The following CASQ2 variants were observed in gnomAD, a reference collection of about 807,000 sequenced individuals.
CASQ2 encodes the protein calsequestrin 2.
Under a neutral mutation model 46.5 loss-of-function variants are expected in CASQ2, and 49 were observed. The ratio of observed to expected loss-of-function variants is 1.05; its 90% confidence interval spans 0.84 to 1.34. The LOEUF (loss-of-function observed/expected upper bound fraction) is 1.34, where lower values mean the gene tolerates loss of function less well. CASQ2 is among the 40% of genes most tolerant of loss of function. The probability of loss-of-function intolerance (pLI) is 0.00; values close to 1 mark genes in which losing one functional copy is unlikely to be tolerated. For synonymous variants in CASQ2, 174 were observed against 168.5 expected (o/e 1.03, Z -0.25); for missense variants, 486 against 481.3 (o/e 1.01, Z -0.09).
At chr1:115,719,512 C>A (rs889835636) in intron 7 of CASQ2, among the ~76,000 whole-genome samples, 1 of 152,210 alleles carries the variant, frequency 6.6e-6, no homozygotes, top group South Asian at 2.1e-4. Flanking sequence ...GAAGGCTGCT[C>A]ATAATACGGC....
intron 8 of CASQ2, among the ~76,000 whole-genome samples, chr1:115,709,840 T>C (rs964437806): frequency 6.6e-6 from 1 of 152,146 alleles, no homozygotes; most frequent in Non-Finnish European, 1.5e-5. Flanking sequence ...CACTGGACAT[T>C]GTTCTTTTTT....
chr1:115,718,025 C>T, intron 7 of CASQ2, 131 bp from the exon 8 acceptor site: 1 of 736,648 alleles, frequency 1.4e-6, no homozygotes, highest in Admixed American at 1.9e-5. Flanking sequence ...GGGATGAACA[C>T]AGAAGCACAG....
intron 7 of CASQ2, among the ~76,000 whole-genome samples, chr1:115,721,549 G>C (rs1485538206): frequency 6.6e-6 from 1 of 151,996 alleles, no homozygotes; most frequent in Non-Finnish European, 1.5e-5. Context: ...TAGATGTCTG[G>C]GGAAGTGGAT....
intron 4 of CASQ2, among the ~76,000 whole-genome samples, chr1:115,736,142 A>T (rs1306500660): frequency 6.6e-5 from 10 of 151,040 alleles, no homozygotes; most frequent in Admixed American, 4.0e-4. Flanking sequence ...CAGCCTGGGC[A>T]ACACGAGTGA....
intron 1 of CASQ2, among the ~76,000 whole-genome samples, chr1:115,764,618 C>T (rs1027930652): frequency 2.6e-5 from 4 of 152,184 alleles, no homozygotes; most frequent in Non-Finnish European, 5.9e-5. Flanking sequence ...AGATGACTCC[C>T]ACAGTTCTTT....
In CASQ2 at chr1:115,700,745, G is replaced by T; in HGVS notation, c.*496C>A. 2.5e-6 allele frequency: 1 copy of T among 407,278 alleles called. No individual in the cohort carries two copies. The highest frequency in any genetic ancestry group is 4.3e-6 in the Non-Finnish European group (1 of 230,322). The allele number at this position is 407,278 out of a possible 1,614,324, so 25.2% of individuals were successfully genotyped here. On this transcript the variant is annotated 3_prime_UTR_variant, in exon 11 of 11. Transcript: ENST00000261448. ...TCCAAGGCTGAGCCTTCTCTAAGAA[G>T]GATCATCTTGGCTGGAGGAGGGATC... is the stretch of plus-strand genomic sequence containing the variant.
chr1:115,745,246 G>T (rs1648348530), intron 1 of CASQ2, among the ~76,000 whole-genome samples: 1 of 152,172 alleles, frequency 6.6e-6, no homozygotes, highest in Admixed American at 6.5e-5. Context: ...AAGCATGGGT[G>T]CCTGACAAGG....
chr1:115,731,851 TG>T (rs1358698355), intron 5 of CASQ2, among the ~76,000 whole-genome samples: 1 of 152,234 alleles, frequency 6.6e-6, no homozygotes, highest in African/African-American at 2.4e-5. Flanking sequence ...GCACACACTC[TG>T]GCACAAAGAG....
In CASQ2 at chr1:115,701,366, C is replaced by G; in HGVS notation, c.1075G>C (p.Glu359Gln). 6.2e-7 allele frequency: 1 copy of G among 1,614,004 alleles called. No homozygotes were observed. The highest frequency in any genetic ancestry group is 1.1e-5 in the South Asian group (1 of 91,072). ...DDDLPTAEEL[E>Q]DWIEDVLSGK... ...GAAAGCACATCCTCAATCCAGTCCT[C>G]CAGCTCCTCAGCAGTTGGAAGATCG... Residue 359 changes from glutamate (E) to glutamine (Q), a missense_variant, in exon 11 of 11, where the codon GAG (glutamate) becomes CAG (glutamine). Transcript: ENST00000261448.
chr1:115,701,002 G>A lies in CASQ2; in HGVS notation c.*239C>T. On this transcript the variant is annotated 3_prime_UTR_variant, in exon 11 of 11. Transcript: ENST00000261448. ...AAAGAACAAGATCTGTTCCGTGACA[G>A]TCAAGACAGTCAACATGGGAATAAT... The A allele has an allele frequency of 1.6e-6, 1 of 643,944 alleles. No homozygotes were observed. Among genetic ancestry groups the A allele is most frequent in the Non-Finnish European group, 2.8e-6 (1 of 361,302 alleles). 39.9% of individuals were successfully genotyped at this position (643,944 alleles called of 1,614,324 possible). A position where few individuals can be genotyped will look rare whatever the true frequency, so the allele number is the denominator to read the frequency against.
At chr1:115,766,919 A>ATAGAT (rs1553197776) in intron 1 of CASQ2, among the ~76,000 whole-genome samples, 53 of 149,540 alleles carry the variant, frequency 3.5e-4, no homozygotes, top group African/African-American at 6.9e-4. Flanking sequence ...AGATAGATAG[A>ATAGAT]AGGATGATAG....
chr1:115,713,419 G>A (rs888198148), intron 8 of CASQ2, among the ~76,000 whole-genome samples: 3 of 152,184 alleles, frequency 2.0e-5, no homozygotes, highest in East Asian at 1.9e-4. Flanking sequence ...GAGATCTGGC[G>A]ATTAGGCTCG....
chr1:115,748,981 G>T (rs1004839117), intron 1 of CASQ2, among the ~76,000 whole-genome samples: 1 of 152,112 alleles, frequency 6.6e-6, no homozygotes, highest in African/African-American at 2.4e-5. Context: ...TGGGGCTCAG[G>T]AATCTACGTT....
chr1:115,722,874 C>G lies in CASQ2; in HGVS notation c.783+2634G>C, dbSNP rs935444449. Reference sequence around the variant, plus strand: ...ACCAGCCTGGCCAACATGGTGAAACCCTGTCTCTACTAAAAACACAAAAAC... The same window carrying G: ...ACCAGCCTGGCCAACATGGTGAAACGCTGTCTCTACTAAAAACACAAAAAC... On this transcript the variant is annotated intron_variant, in intron 7 of 10. Transcript: ENST00000261448. Among the ~76,000 whole-genome samples, 11 of 151,912 alleles carry G rather than the reference C, an allele frequency of 7.2e-5. 1 individual carries two copies. The highest frequency in any genetic ancestry group is 6.6e-4 in the Admixed American group (10 of 15,252).
chr1:115,744,057 T>C (rs1197614667), intron 2 of CASQ2, among the ~76,000 whole-genome samples: 1 of 150,066 alleles, frequency 6.7e-6, no homozygotes, highest in East Asian at 1.9e-4. Flanking sequence ...GGCACAAGAA[T>C]CGCTTGAATC....
intron 5 of CASQ2, 108 bp from the exon 6 acceptor site, chr1:115,727,230 C>G: frequency 3.5e-6 from 3 of 852,104 alleles, no homozygotes; most frequent in East Asian, 2.6e-5. Flanking sequence ...GACATAAAAA[C>G]AGATGTACAG....
At chr1:115,740,977 T>C in intron 2 of CASQ2, 149 bp from the exon 3 acceptor site, 1 of 679,062 alleles carries the variant, frequency 1.5e-6, no homozygotes, top group South Asian at 1.6e-5. Context: ...TGCCTTGAAA[T>C]AACACTTTTG....
At chr1:115,760,381 T>C (rs1295990445) in intron 1 of CASQ2, among the ~76,000 whole-genome samples, 2 of 152,208 alleles carry the variant, frequency 1.3e-5, no homozygotes, top group Non-Finnish European at 2.9e-5. Context: ...AGGGTCCAAG[T>C]GATGCCATTT....
intron 8 of CASQ2, among the ~76,000 whole-genome samples, chr1:115,716,726 C>T (rs954865604): frequency 6.6e-6 from 1 of 152,232 alleles, no homozygotes; most frequent in Non-Finnish European, 1.5e-5. Context: ...AGGCTTCCCA[C>T]ACCATCGGCA....
Sources: gnomAD v4.1 joint callset for allele counts (sites outside exome capture counted in the v4.1 genomes callset) on GRCh38, gnomAD v4.1.1 for gene constraint, MANE v1.5 for transcripts, NCBI Gene and HGNC (gene_info 2026-07-23, HGNC 2026-07-21) for gene names.